The following EFEMP1 variants were observed in gnomAD, a reference collection of about 807,000 sequenced individuals.
EFEMP1 encodes the protein EGF-containing fibulin-like extracellular matrix protein 1.
A neutral mutation model predicts 65.7 loss-of-function variants in EFEMP1; 18 were observed. The observed-to-expected ratio is 0.27, with a 90% CI of 0.19 to 0.41. EFEMP1 has a LOEUF of 0.41. Among genes scored for constraint, EFEMP1 ranks in the 10% least tolerant of loss-of-function variants. EFEMP1 has a pLI of 1.00. For synonymous variants in EFEMP1, 237 were observed against 219.7 expected, an observed-to-expected ratio of 1.08 and a Z score of -0.70; for missense variants, 469 against 624.8, an observed-to-expected ratio of 0.75 and a Z score of 2.66.
intron 5 of EFEMP1, among the ~76,000 whole-genome samples, chr2:55,903,769 A>G (rs991228096): frequency 3.3e-5 from 5 of 152,188 alleles, no homozygotes; most frequent in Admixed American, 3.3e-4. Context: ...ATATGCATTT[A>G]TACAAATATA....
At chr2:55,889,278 A>G in intron 5 of EFEMP1, among the ~76,000 whole-genome samples, 1 of 152,348 alleles carries the variant, frequency 6.6e-6, no homozygotes, top group South Asian at 2.1e-4. Context: ...AACAATAAGC[A>G]GCTTTTGTGC....
intron 5 of EFEMP1, among the ~76,000 whole-genome samples, chr2:55,882,911 C>A (rs1404596922): frequency 6.6e-6 from 1 of 151,988 alleles, no homozygotes; most frequent in African/African-American, 2.4e-5. Flanking sequence ...ATAAAAAATT[C>A]ACCCAATTTC....
rs6722453 is a variant in EFEMP1, at chr2:55,883,964, C to A, written c.518-2230G>T. Among the ~76,000 whole-genome samples the A allele has an allele frequency of 0.13, 19,787 of 152,194 alleles. 1,434 individuals are homozygous for A. The highest frequency in any genetic ancestry group is 0.29 in the South Asian group (1,398 of 4,824). ...TACTTTCCTTCCCTTTCTCCACCAA[C>A]ACCCAAACAAAGCTGCAACAAGACT... On this transcript the variant is annotated intron_variant, in intron 5 of 11. Coordinates refer to ENST00000355426, the MANE Select transcript of EFEMP1 (RefSeq NM_001039348.3). This position sits in a 1 kb window ranked among gnomAD's most constrained non-coding sequence, Gnocchi z 4.5.
At chr2:55,888,402 A>G (rs902846549) in intron 5 of EFEMP1, among the ~76,000 whole-genome samples, 29 of 140,574 alleles carry the variant, frequency 2.1e-4, no homozygotes, top group African/African-American at 7.6e-4. Flanking sequence ...TAGTGGTGCA[A>G]TCTTGGCTCA....
chr2:55,918,132 G>C, intron 4 of EFEMP1, 81 bp from the exon 5 acceptor site: 1 of 1,612,316 alleles, frequency 6.2e-7, no homozygotes, highest in Non-Finnish European at 8.5e-7. Flanking sequence ...ATGCCTTTTT[G>C]GTATAACACA....
Position 55,877,878 on chromosome 2 carries a change from GCACACA to G in EFEMP1, c.641-19_641-14del, listed in dbSNP as rs774671792. ...CATTCATCTATGTCTAGGTTATCAGGCACACACACAAAGAGAACCAAATTATTGAAT... is the reference window on the plus strand; with the variant it reads ...CATTCATCTATGTCTAGGTTATCAGGCACAAAGAGAACCAAATTATTGAAT... On this transcript the variant is annotated splice_polypyrimidine_tract_variant and intron_variant, in intron 6 of 11. Transcript: ENST00000355426. The surrounding 1 kb of genome is among the most constrained non-coding windows in gnomAD (Gnocchi z 4.5). 3 of 1,612,158 alleles carry G rather than the reference GCACACA, an allele frequency of 1.9e-6. No individual in the cohort carries two copies. The highest frequency in any genetic ancestry group is 2.5e-6 in the Non-Finnish European group (3 of 1,178,714).
chr2:55,913,402 G>A (rs530244275), intron 5 of EFEMP1, among the ~76,000 whole-genome samples: 7 of 152,146 alleles, frequency 4.6e-5, no homozygotes, highest in East Asian at 1.9e-4. Context: ...TTGGACATTC[G>A]TACTGAGTTC....
In EFEMP1 at chr2:55,917,718, T is replaced by G. The variant is rs1317225253; in HGVS notation, c.464A>C (p.His155Pro). The change falls in exon 5 of 12, where the codon CAC (histidine) becomes CCC (proline). Residue 155 changes from histidine to proline, a missense_variant. This residue lies in a region of EFEMP1 where 399 missense variants were observed against 528.2 expected (regional missense o/e 0.76). Transcript: ENST00000355426. This position sits in a 1 kb window ranked among gnomAD's most constrained non-coding sequence, Gnocchi z 6.3. Reference sequence around the variant, plus strand: ...GTAGCCTGCTGCACACTGGATACGGTGGGAAGGGTTGGAGGGAATGCGCTG... The same window carrying G: ...GTAGCCTGCTGCACACTGGATACGGGGGGAAGGGTTGGAGGGAATGCGCTG... ...DPQRIPSNPS[H>P]RIQCAAGYEQ... The G allele has an allele frequency of 6.2e-7, 1 of 1,613,934 alleles. No individual in the cohort carries two copies. Among genetic ancestry groups the G allele is most frequent in the Non-Finnish European group, 8.5e-7 (1 of 1,180,004 alleles).
At chr2:55,890,976 G>A (rs187581946) in intron 5 of EFEMP1, among the ~76,000 whole-genome samples, 2 of 151,920 alleles carry the variant, frequency 1.3e-5, no homozygotes, top group Admixed American at 1.3e-4. Context: ...TTTTAGGTTT[G>A]GGGGTACATG....
chr2:55,891,644 G>A (rs886629209), intron 5 of EFEMP1, among the ~76,000 whole-genome samples: 9 of 152,048 alleles, frequency 5.9e-5, no homozygotes, highest in African/African-American at 2.2e-4. Context: ...ATGATGAAGT[G>A]TAGCAAGAAA....
At chr2:55,908,245 CCTT>C (rs1247930927) in intron 5 of EFEMP1, among the ~76,000 whole-genome samples, 1 of 152,178 alleles carries the variant, frequency 6.6e-6, no homozygotes, top group African/African-American at 2.4e-5. Flanking sequence ...TGCTCAGAGT[CCTT>C]CTCCCTTGAT....
chr2:55,922,323 C>A lies in EFEMP1; in HGVS notation c.81+37G>T. ...AGTCTTTTTTTGTCACAGAATCCCG[C>A]TGAACCGTACTTATTTCAAATTCCA... On this transcript the variant is annotated intron_variant, in intron 3 of 11. Coordinates refer to ENST00000355426, the MANE Select transcript of EFEMP1 (RefSeq NM_001039348.3). This position sits in a 1 kb window ranked among gnomAD's most constrained non-coding sequence, Gnocchi z 5.5. 4 of 1,600,722 alleles carry A rather than the reference C, an allele frequency of 2.5e-6. No individual in the cohort carries two copies. The highest frequency in any genetic ancestry group is 3.4e-6 in the Non-Finnish European group (4 of 1,168,114).
At chr2:55,895,965 T>C (rs1669817740) in intron 5 of EFEMP1, among the ~76,000 whole-genome samples, 1 of 152,150 alleles carries the variant, frequency 6.6e-6, no homozygotes, top group African/African-American at 2.4e-5. Context: ...TGAAGCACCT[T>C]GTCTGGCTGG....
chr2:55,874,892 T>C (rs1166033501), intron 9 of EFEMP1, 54 bp downstream of exon 9: 14 of 1,554,902 alleles, frequency 9.0e-6, no homozygotes, highest in Non-Finnish European at 2.6e-6. Flanking sequence ...CTTCCTCTTG[T>C]CTCTTCCTGG....
intron 5 of EFEMP1, among the ~76,000 whole-genome samples, chr2:55,905,896 G>A (rs896189015): frequency 6.6e-6 from 1 of 152,106 alleles, no homozygotes. Context: ...TCTGTGATAG[G>A]TTGGTTTACT....
intron 6 of EFEMP1, among the ~76,000 whole-genome samples, chr2:55,879,444 C>T (rs1294997088): frequency 1.3e-5 from 2 of 152,192 alleles, no homozygotes; most frequent in Non-Finnish European, 1.5e-5. Context: ...ACTATTATCC[C>T]AGTTCCTAGA....
Position 55,877,040 on chromosome 2 carries a change from T to C in EFEMP1, c.761-298A>G, listed in dbSNP as rs1389715806. ...GATGAATCTTTCCAAAGGAATTTAATGCTTCTAATAAATATACACTCCGGT... is the reference window on the plus strand; with the variant it reads ...GATGAATCTTTCCAAAGGAATTTAACGCTTCTAATAAATATACACTCCGGT... On this transcript the variant is annotated intron_variant, in intron 7 of 11. Transcript: ENST00000355426. The surrounding 1 kb of genome is among the most constrained non-coding windows in gnomAD (Gnocchi z 4.5). 6.6e-6 allele frequency among the ~76,000 whole-genome samples: 1 copy of C among 152,176 alleles called. No homozygotes were observed. The highest frequency in any genetic ancestry group is 6.6e-5 in the Admixed American group (1 of 15,258).
intron 5 of EFEMP1, among the ~76,000 whole-genome samples, chr2:55,907,024 CA>C (rs1324446840): frequency 6.6e-6 from 1 of 152,216 alleles, no homozygotes; most frequent in Non-Finnish European, 1.5e-5. Context: ...ATCCATCTAA[CA>C]CAATTCTTTG....
chr2:55,921,829 C>G lies in EFEMP1; in HGVS notation c.81+531G>C, dbSNP rs1328587928. On this transcript the variant is annotated intron_variant, in intron 3 of 11. Coordinates refer to ENST00000355426, the MANE Select transcript of EFEMP1 (RefSeq NM_001039348.3). This position sits in a 1 kb window ranked among gnomAD's most constrained non-coding sequence, Gnocchi z 4.1. ...ATCCTGGTAACACATAAACTGTTGT[C>G]TGCCTTTATTTATTAGAATTATCAA... 2 of 165,020 alleles carry G rather than the reference C, an allele frequency of 1.2e-5. No individual in the cohort carries two copies. Among genetic ancestry groups the G allele is most frequent in the Non-Finnish European group, 2.7e-5 (2 of 74,704 alleles). The allele number at this position is 165,020 out of a possible 1,614,324, so 10.2% of individuals were successfully genotyped here.
Sources: gnomAD v4.1 joint callset for allele counts (sites outside exome capture counted in the v4.1 genomes callset) on GRCh38, gnomAD v4.1.1 for gene constraint, gnomAD v4.1.1 regional missense constraint, Gnocchi (gnomAD v3.1) non-coding constraint, MANE v1.5 for transcripts, NCBI Gene and HGNC (gene_info 2026-07-23, HGNC 2026-07-21) for gene names.